Variants in CNTN5 observed in about 807,000 individuals in gnomAD.
The protein encoded by CNTN5 is contactin-5.
In CNTN5, 77 loss-of-function variants were observed where a neutral mutation model predicts 129.1. The ratio of observed to expected loss-of-function variants is 0.60; its 90% CI spans 0.50 to 0.72. The LOEUF (loss-of-function observed/expected upper bound fraction) is 0.72, where lower values mean the gene tolerates loss of function less well. CNTN5 is among the 30% of genes least tolerant of loss of function. CNTN5 has a pLI of 0.00. For synonymous variants in CNTN5, 509 were observed against 465.6 expected (o/e 1.09, Z -1.20); for missense variants, 1,478 against 1,328.8 (o/e 1.11, Z -1.75).
intron 3 of CNTN5, among the ~76,000 whole-genome samples, chr11:99,767,096 A>G (rs1056794719): frequency 5.3e-5 from 8 of 152,076 alleles, no homozygotes; most frequent in Non-Finnish European, 5.9e-5. Context: ...GTGCCGTGGG[A>G]CAAAATATGT....
intron 3 of CNTN5, among the ~76,000 whole-genome samples, chr11:99,676,725 TA>T (rs887140452): frequency 5.3e-5 from 8 of 151,504 alleles, no homozygotes; most frequent in Non-Finnish European, 8.9e-5. Context: ...AAAGTATAAT[TA>T]AAAAAAAATT....
At chr11:99,050,326 G>A (rs1864376242) in intron 1 of CNTN5, among the ~76,000 whole-genome samples, 1 of 151,766 alleles carries the variant, frequency 6.6e-6, no homozygotes, top group South Asian at 2.1e-4. Context: ...TTATGTTTTA[G>A]GGTAAAGAAA....
intron 1 of CNTN5, among the ~76,000 whole-genome samples, chr11:99,129,591 A>G (rs958165563): frequency 2.6e-5 from 4 of 152,134 alleles, no homozygotes; most frequent in Non-Finnish European, 5.9e-5. Flanking sequence ...GGCCAACATT[A>G]AAATTCAGAA....
intron 2 of CNTN5, among the ~76,000 whole-genome samples, chr11:99,499,315 G>A (rs768126994): frequency 6.6e-5 from 10 of 152,080 alleles, no homozygotes; most frequent in Non-Finnish European, 1.2e-4. Context: ...GTATGTAGAC[G>A]TGAGGATTTA....
At chr11:99,938,303 C>T (rs771593334) in intron 7 of CNTN5, among the ~76,000 whole-genome samples, 5 of 152,138 alleles carry the variant, frequency 3.3e-5, no homozygotes, top group African/African-American at 7.2e-5. Context: ...ATCAATCCTT[C>T]GTTTCAATAG....
At chr11:100,074,860 T>A (rs927057933) in intron 13 of CNTN5, among the ~76,000 whole-genome samples, 1 of 151,378 alleles carries the variant, frequency 6.6e-6, no homozygotes, top group Admixed American at 6.6e-5. Flanking sequence ...AGCCAAAGGA[T>A]ATCACAGGAG....
intron 3 of CNTN5, among the ~76,000 whole-genome samples, chr11:99,782,068 C>T (rs1004775890): frequency 6.6e-6 from 1 of 150,848 alleles, no homozygotes; most frequent in Non-Finnish European, 1.5e-5. Context: ...GATTGTATAT[C>T]TAGAAAACCC....
At chr11:100,347,084 T>A (rs531628725) in intron 23 of CNTN5, among the ~76,000 whole-genome samples, 1 of 152,118 alleles carries the variant, frequency 6.6e-6, no homozygotes, top group Admixed American at 6.6e-5. Flanking sequence ...TTGTGGGAAC[T>A]ACAATTCAAG....
Position 100,238,543 on chromosome 11 carries a change from G to A in CNTN5, c.2005+13731G>A, listed in dbSNP as rs979877782. Among the ~76,000 whole-genome samples the A allele has an allele frequency of 2.0e-5, 3 of 149,808 alleles. No individual in the cohort carries two copies. The Admixed American group carries it at 2.0e-4, about 10-fold the overall frequency. On this transcript the variant is annotated intron_variant, in intron 16 of 24. Transcript: ENST00000524871. ...AGGAGGAGGGGGTAGAAGAGGAGGAGGAGGAGGGGGAAGAAGAGGAGGAGG... is the reference window on the plus strand; with the variant it reads ...AGGAGGAGGGGGTAGAAGAGGAGGAAGAGGAGGGGGAAGAAGAGGAGGAGG...
chr11:99,899,369 C>T (rs1027374111), intron 6 of CNTN5, among the ~76,000 whole-genome samples: 1 of 151,952 alleles, frequency 6.6e-6, no homozygotes, highest in African/African-American at 2.4e-5. Flanking sequence ...GTTTGTCATG[C>T]ATGGCTCTTA....
At chr11:100,170,090 G>C (rs1947777939) in intron 13 of CNTN5, among the ~76,000 whole-genome samples, 1 of 151,880 alleles carries the variant, frequency 6.6e-6, no homozygotes, top group African/African-American at 2.4e-5. Context: ...TCCACAAATA[G>C]TAGCTAATAT....
intron 2 of CNTN5, among the ~76,000 whole-genome samples, chr11:99,354,573 G>A (rs1938513958): frequency 6.6e-6 from 1 of 152,064 alleles, no homozygotes; most frequent in Non-Finnish European, 1.5e-5. Context: ...AGACATCAGC[G>A]ACCCCTCTTT....
At chr11:99,499,445 C>T (rs1001933344) in intron 2 of CNTN5, among the ~76,000 whole-genome samples, 1 of 152,140 alleles carries the variant, frequency 6.6e-6, no homozygotes, top group African/African-American at 2.4e-5. Context: ...AAGATGCAGC[C>T]TCCCTCCCTT....
At chr11:99,986,183 A>C (rs1186946948) in intron 8 of CNTN5, among the ~76,000 whole-genome samples, 1 of 151,980 alleles carries the variant, frequency 6.6e-6, no homozygotes, top group Non-Finnish European at 1.5e-5. Flanking sequence ...TTACATAGTC[A>C]CTTATTGTAA....
At chr11:99,689,007 T>C (rs953578112) in intron 3 of CNTN5, among the ~76,000 whole-genome samples, 2 of 152,202 alleles carry the variant, frequency 1.3e-5, no homozygotes, top group African/African-American at 4.8e-5. Flanking sequence ...CTGTCTGTCA[T>C]TGATGGGCAT....
chr11:100,123,370 A>C (rs1946088309), intron 13 of CNTN5, among the ~76,000 whole-genome samples: 1 of 152,066 alleles, frequency 6.6e-6, no homozygotes. Context: ...AGAGGAATCA[A>C]ATTCATAAAT....
intron 4 of CNTN5, among the ~76,000 whole-genome samples, chr11:99,839,013 T>A (rs535145941): frequency 6.6e-6 from 1 of 152,060 alleles, no homozygotes; most frequent in Non-Finnish European, 1.5e-5. Context: ...TTTGGAAAAA[T>A]TCTTCACAAG....
At chr11:99,357,975 G>C (rs1938801899) in intron 2 of CNTN5, among the ~76,000 whole-genome samples, 1 of 148,624 alleles carries the variant, frequency 6.7e-6, no homozygotes, top group African/African-American at 2.5e-5. Context: ...CTGCACTCCA[G>C]CCTGGGCGAG....
intron 18 of CNTN5, among the ~76,000 whole-genome samples, chr11:100,293,783 A>G (rs1215939466): frequency 1.3e-5 from 2 of 151,692 alleles, no homozygotes; most frequent in African/African-American, 4.8e-5. Context: ...ATACCACTTT[A>G]TCTACCCTAA....
Sources: gnomAD v4.1 joint callset for allele counts (sites outside exome capture counted in the v4.1 genomes callset) on GRCh38, gnomAD v4.1.1 for gene constraint, MANE v1.5 for transcripts, NCBI Gene and HGNC (gene_info 2026-07-23, HGNC 2026-07-21) for gene names.